The following VEPH1 variants were observed in gnomAD, a reference collection of about 807,000 sequenced individuals.
The protein encoded by VEPH1 is ventricular zone expressed PH domain containing 1.
Under a neutral mutation model 85.2 loss-of-function variants are expected in VEPH1, and 80 were observed. That is an observed-to-expected ratio of 0.94 (90% CI 0.78 to 1.13). The LOEUF (loss-of-function observed/expected upper bound fraction) is 1.13, where lower values mean the gene tolerates loss of function less well. VEPH1 is among the 50% of genes most tolerant of loss of function. The pLI, the probability that VEPH1 is intolerant of heterozygous loss-of-function variation, is 0.00. For missense variants in VEPH1, 955 were observed against 980.5 expected (o/e 0.97, Z 0.35); for synonymous variants, 297 against 348.0 (o/e 0.85, Z 1.63).
chr3:157,351,117 C>T (rs929458122), intron 9 of VEPH1, among the ~76,000 whole-genome samples: 7 of 151,996 alleles, frequency 4.6e-5, no homozygotes, highest in Admixed American at 2.0e-4. Flanking sequence ...GGAATCAACC[C>T]GGGTCCCCCA....
intron 4 of VEPH1, among the ~76,000 whole-genome samples, chr3:157,447,051 T>TA (rs559744061): frequency 1.5e-3 from 222 of 152,344 alleles, no homozygotes; most frequent in African/African-American, 5.1e-3. Context: ...ATAGTTATCT[T>TA]AAAAAATGTT....
chr3:157,414,107 G>C lies in VEPH1; in HGVS notation c.697-17C>G, dbSNP rs1189449891. On this transcript the variant is annotated splice_polypyrimidine_tract_variant and intron_variant, in intron 5 of 13. Transcript: ENST00000362010. Reference sequence around the variant, plus strand: ...CTGAACTACCTATAAAGAGAGAGGAGAGGAGGAGGGAAGAAAGAAGGAAGA... The same window carrying C: ...CTGAACTACCTATAAAGAGAGAGGACAGGAGGAGGGAAGAAAGAAGGAAGA... 7 of 1,543,618 alleles carry C rather than the reference G, an allele frequency of 4.5e-6. No homozygotes were observed. The highest frequency in any genetic ancestry group is 6.2e-6 in the Non-Finnish European group (7 of 1,126,014).
At chr3:157,275,549 C>T (rs1715271999) in intron 12 of VEPH1, among the ~76,000 whole-genome samples, 1 of 151,688 alleles carries the variant, frequency 6.6e-6, no homozygotes, top group African/African-American at 2.4e-5. Flanking sequence ...GCATACCAGT[C>T]TGGTGGCACA....
chr3:157,469,855 A>G (rs1162475433), intron 3 of VEPH1, among the ~76,000 whole-genome samples: 1 of 152,186 alleles, frequency 6.6e-6, no homozygotes, highest in East Asian at 1.9e-4. Context: ...GGCAAATATC[A>G]TCATGAAAAA....
rs946498529 is a variant in VEPH1, at chr3:157,261,144, G to A, written c.2492C>T (p.Thr831Ile). The change falls in exon 14 of 14, where the codon ACA becomes ATA. Residue 831 changes from threonine (T) to isoleucine (I), a missense_variant. By Grantham distance (89) the Thr-to-Ile change is moderately conservative. Coordinates refer to ENST00000362010, the MANE Select transcript of VEPH1 (RefSeq NM_001167912.2). ...AKERESREVTTYL is the reference protein window; with the variant it reads ...AKERESREVTIYL ...CTGACTTATAAATCCCTACAGATAT[G>A]TGGTTACTTCTCTACTTTCCCTTTC... The A allele has an allele frequency of 1.2e-6, 2 of 1,613,596 alleles. No homozygotes were observed. Among genetic ancestry groups the A allele is most frequent in the South Asian group, 1.1e-5 (1 of 91,070 alleles).
chr3:157,264,304 CATT>C (rs562614435), intron 13 of VEPH1, among the ~76,000 whole-genome samples: 134 of 152,286 alleles, frequency 8.8e-4, no homozygotes, highest in African/African-American at 3.0e-3. Context: ...GGAGTTATAT[CATT>C]GACTCCCTTA....
intron 7 of VEPH1, among the ~76,000 whole-genome samples, chr3:157,366,318 T>A (rs1453655376): frequency 6.6e-6 from 1 of 152,148 alleles, no homozygotes; most frequent in Non-Finnish European, 1.5e-5. Context: ...GGGCCCAGAC[T>A]TAGAGAAAAA....
At chr3:157,392,015 G>A (rs1413118154) in intron 6 of VEPH1, among the ~76,000 whole-genome samples, 2 of 152,138 alleles carry the variant, frequency 1.3e-5, no homozygotes, top group African/African-American at 4.8e-5. Context: ...ATAAAATATT[G>A]TCCAGACAAG....
At chr3:157,342,380 G>A (rs12486135) in intron 9 of VEPH1, among the ~76,000 whole-genome samples, 33,405 of 152,044 alleles carry the variant, frequency 0.22, 4,509 homozygotes, top group Admixed American at 0.42. Flanking sequence ...TGCAATCCTA[G>A]TCTCTGATAA....
chr3:157,455,105 T>C (rs996078608), intron 4 of VEPH1, among the ~76,000 whole-genome samples: 1 of 152,176 alleles, frequency 6.6e-6, no homozygotes, highest in Non-Finnish European at 1.5e-5. Flanking sequence ...TGGGTATATA[T>C]ACCCAGCAGT....
intron 9 of VEPH1, among the ~76,000 whole-genome samples, chr3:157,317,911 C>G (rs554681233): frequency 6.6e-6 from 1 of 152,314 alleles, no homozygotes; most frequent in Non-Finnish European, 1.5e-5. Context: ...AATTAATTGA[C>G]TTCCACATGT....
At chr3:157,459,451 G>A (rs375316435) in intron 4 of VEPH1, 2 of 305,378 alleles carry the variant, frequency 6.5e-6, no homozygotes, top group Non-Finnish European at 1.0e-5. Flanking sequence ...GGTTATGGCA[G>A]TAAACTGTGG....
intron 1 of VEPH1, among the ~76,000 whole-genome samples, chr3:157,501,445 G>A (rs1428233041): frequency 6.6e-6 from 1 of 152,122 alleles, no homozygotes; most frequent in African/African-American, 2.4e-5. Context: ...AGTTTTCCAT[G>A]GAAGTGTAGC....
At chr3:157,282,241 C>T (rs2108350266) in intron 12 of VEPH1, among the ~76,000 whole-genome samples, 1 of 152,138 alleles carries the variant, frequency 6.6e-6, no homozygotes, top group East Asian at 1.9e-4. Context: ...GTTGGCCAGG[C>T]TGGAGTGCAG....
intron 6 of VEPH1, among the ~76,000 whole-genome samples, chr3:157,407,840 G>C (rs1470030583): frequency 6.6e-6 from 1 of 152,138 alleles, no homozygotes; most frequent in Admixed American, 6.6e-5. Context: ...TTCCACATGG[G>C]TTAACTCATT....
intron 2 of VEPH1, among the ~76,000 whole-genome samples, chr3:157,473,234 G>A (rs1010407674): frequency 1.3e-5 from 2 of 151,476 alleles, no homozygotes; most frequent in African/African-American, 2.4e-5. Flanking sequence ...CACCACGCCC[G>A]GCTAATTTTT....
intron 2 of VEPH1, among the ~76,000 whole-genome samples, chr3:157,477,285 C>T (rs956714918): frequency 6.6e-6 from 1 of 151,840 alleles, no homozygotes; most frequent in African/African-American, 2.4e-5. Context: ...ATCACTTCAA[C>T]CTCTGCTTTT....
chr3:157,493,295 T>C (rs990322240), intron 2 of VEPH1: 2 of 456,194 alleles, frequency 4.4e-6, no homozygotes, highest in African/African-American at 4.0e-5. Flanking sequence ...TCTACGTTTC[T>C]GAAGAGAAAT....
chr3:157,301,824 G>A (rs570270796), intron 11 of VEPH1, among the ~76,000 whole-genome samples: 2 of 152,210 alleles, frequency 1.3e-5, no homozygotes, highest in South Asian at 2.1e-4. Context: ...TTCCTAGATT[G>A]CTTCAGTCTT....
Sources: allele counts gnomAD v4.1 joint callset (sites outside exome capture counted in the v4.1 genomes callset), GRCh38; gene constraint gnomAD v4.1.1; transcripts MANE v1.5; gene names NCBI Gene and HGNC (gene_info 2026-07-23, HGNC 2026-07-21).